Variants in ANKS1B observed in about 807,000 individuals in gnomAD.
ANKS1B encodes ankyrin repeat and sterile alpha motif domain-containing protein 1B.
ANKS1B carries 36 observed loss-of-function variants against 148.3 expected under a neutral mutation model. The ratio of observed to expected loss-of-function variants is 0.24; its 90% CI spans 0.19 to 0.32. The LOEUF is 0.32. Among genes scored for constraint, ANKS1B ranks in the 10% least tolerant of loss-of-function variants. The pLI is 1.00. For missense variants in ANKS1B, 1,157 were observed against 1,542.6 expected (o/e 0.75, Z 4.19); for synonymous variants, 542 against 560.8 (o/e 0.97, Z 0.47).
chr12:98,754,432 T>C (rs528873030), intron 25 of ANKS1B, among the ~76,000 whole-genome samples: 7 of 152,170 alleles, frequency 4.6e-5, no homozygotes, highest in African/African-American at 1.4e-4. Flanking sequence ...CCGACTTCTG[T>C]AGTCTCACAA....
rs12308640 is a variant in ANKS1B at position 99,920,738 on chromosome 12, C to T, written c.134+63366G>A. ...AAGGAGTTCAAAGGCCTAAAGGAGG[C>T]GCTCCATGTCCAAAGGCAGGAGAAG... On this transcript the variant is annotated intron_variant, in intron 1 of 26. Transcript: ENST00000683438. Among the ~76,000 whole-genome samples the T allele has an allele frequency of 3.3e-3, 495 of 152,248 alleles. 5 individuals carry two copies. Among genetic ancestry groups the T allele is most frequent in the African/African-American group, 0.011 (461 of 41,552 alleles).
chr12:99,351,331 T>C (rs1168059161), intron 12 of ANKS1B, among the ~76,000 whole-genome samples: 7 of 152,106 alleles, frequency 4.6e-5, no homozygotes, highest in African/African-American at 1.7e-4. Context: ...TAAAGGAATA[T>C]TTTCTTGTAA....
At chr12:99,124,372 T>C (rs977023962) in intron 15 of ANKS1B, among the ~76,000 whole-genome samples, 2 of 151,430 alleles carry the variant, frequency 1.3e-5, no homozygotes, top group African/African-American at 4.9e-5. Flanking sequence ...ATTTCCGCCC[T>C]GGGGAAGACT....
rs144087131 is a variant in ANKS1B, at chr12:99,921,736, C to T, written c.134+62368G>A. Among the ~76,000 whole-genome samples, 231 of 152,188 alleles carry T rather than the reference C, an allele frequency of 1.5e-3. 1 individual carries two copies. The highest frequency in any genetic ancestry group is 5.1e-3 in the African/African-American group (213 of 41,514). On this transcript the variant is annotated intron_variant, in intron 1 of 26. Transcript: ENST00000683438. ...GAAGATGACATAAACAGTGAAAGAT[C>T]ACAGGATGGCTTTTCATCTTCATAA...
chr12:99,702,155 C>A (rs1291948188), intron 8 of ANKS1B, among the ~76,000 whole-genome samples: 2 of 152,104 alleles, frequency 1.3e-5, no homozygotes, highest in East Asian at 3.9e-4. Context: ...ACATTCCCAC[C>A]AATGGTGTAT....
intron 12 of ANKS1B, among the ~76,000 whole-genome samples, chr12:99,288,417 G>C (rs2079434586): frequency 6.6e-6 from 1 of 152,096 alleles, no homozygotes. Context: ...ATGCTAAGGA[G>C]AGTTCTTCAA....
At chr12:99,895,434 T>C (rs990428115) in intron 1 of ANKS1B, among the ~76,000 whole-genome samples, 4 of 150,766 alleles carry the variant, frequency 2.7e-5, no homozygotes, top group African/African-American at 4.8e-5. Context: ...CCCGTGTGTG[T>C]GTGTGTGTCC....
intron 8 of ANKS1B, among the ~76,000 whole-genome samples, chr12:99,745,869 T>C (rs997679399): frequency 2.6e-5 from 4 of 152,044 alleles, no homozygotes; most frequent in Non-Finnish European, 5.9e-5. Context: ...CTAAAATATA[T>C]ATTTTCTTAT....
chr12:99,264,895 C>T (rs1471265089), intron 12 of ANKS1B, among the ~76,000 whole-genome samples: 1 of 152,066 alleles, frequency 6.6e-6, no homozygotes, highest in Non-Finnish European at 1.5e-5. Flanking sequence ...AAATGTGCCT[C>T]CTGCAATTGT....
At chr12:98,861,639 G>T (rs1281017941) in intron 17 of ANKS1B, among the ~76,000 whole-genome samples, 1 of 152,196 alleles carries the variant, frequency 6.6e-6, no homozygotes, top group Non-Finnish European at 1.5e-5. Context: ...TCTTAGAAAA[G>T]AACTTAATTA....
At chr12:99,982,697 G>A (rs2095720232) in intron 1 of ANKS1B, among the ~76,000 whole-genome samples, 1 of 152,160 alleles carries the variant, frequency 6.6e-6, no homozygotes, top group Non-Finnish European at 1.5e-5. Flanking sequence ...ACCTGTGTTT[G>A]AAAGAGAAGA....
At chr12:99,820,641 T>A (rs1435694169) in intron 2 of ANKS1B, among the ~76,000 whole-genome samples, 1 of 151,984 alleles carries the variant, frequency 6.6e-6, no homozygotes, top group Non-Finnish European at 1.5e-5. Context: ...ATAAAAGAAA[T>A]AACCTTCTTC....
chr12:98,830,435 G>T, intron 18 of ANKS1B, among the ~76,000 whole-genome samples: 1 of 151,962 alleles, frequency 6.6e-6, no homozygotes, highest in East Asian at 1.9e-4. Context: ...TCTCTCTCAG[G>T]AGGCTAAGCT....
rs551625952 is a variant in ANKS1B at position 98,928,627 on chromosome 12, A to G, written c.2779-96491T>C. Among the ~76,000 whole-genome samples the G allele has an allele frequency of 5.9e-5, 9 of 152,186 alleles. No homozygotes were observed. In the South Asian group the frequency reaches 1.9e-3, roughly 31 times the overall value. ...CCTGGGAATGCAAGATGTATTTAAC[A>G]TACAAACATAAATCATAAATCAATG... On this transcript the variant is annotated intron_variant, in intron 17 of 26. Transcript: ENST00000683438.
chr12:98,937,408 C>T (rs556431012), intron 17 of ANKS1B, among the ~76,000 whole-genome samples: 134 of 152,024 alleles, frequency 8.8e-4, no homozygotes, highest in African/African-American at 3.0e-3. Flanking sequence ...TCTGGGGACC[C>T]TCCAGCTTCA....
At chr12:99,427,436 A>T (rs2095279782) in intron 11 of ANKS1B, among the ~76,000 whole-genome samples, 1 of 151,728 alleles carries the variant, frequency 6.6e-6, no homozygotes, top group African/African-American at 2.4e-5. Context: ...TCTTCCTCTG[A>T]CTCTTTTCAT....
At chr12:98,987,098 G>A (rs535637480) in intron 17 of ANKS1B, among the ~76,000 whole-genome samples, 1 of 151,674 alleles carries the variant, frequency 6.6e-6, no homozygotes, top group Non-Finnish European at 1.5e-5. Flanking sequence ...AAGTATAGTA[G>A]AATGCGATTT....
chr12:99,139,440 T>TTCTTTCCTTC lies in ANKS1B; in HGVS notation c.2526+14848_2526+14849insGAAGGAAAGA, dbSNP rs201769650. ...TTTCTTTCTTTCTTTCTTTCTTTCT[T>TTCTTTCCTTC]TTTCTTTCTTTCTTTCTTTCAAGAT... On this transcript the variant is annotated intron_variant, in intron 15 of 26. Coordinates refer to ENST00000683438, the MANE Select transcript of ANKS1B (RefSeq NM_001352186.2). 1.7e-3 allele frequency among the ~76,000 whole-genome samples: 8 copies of TTCTTTCCTTC among 4,730 alleles called. 2 individuals are homozygous for TTCTTTCCTTC. Among genetic ancestry groups the TTCTTTCCTTC allele is most frequent in the South Asian group, 0.019 (1 of 52 alleles). The allele number at this position is 4,730 out of a possible 152,430, so 3.1% of individuals were successfully genotyped here.
intron 17 of ANKS1B, among the ~76,000 whole-genome samples, chr12:98,842,277 A>T (rs188351285): frequency 9.8e-5 from 15 of 152,330 alleles, no homozygotes; most frequent in African/African-American, 3.4e-4. Context: ...AGGCTATAGC[A>T]TCAACAGACC....
Sources: gnomAD v4.1 joint callset for allele counts (sites outside exome capture counted in the v4.1 genomes callset) on GRCh38, gnomAD v4.1.1 for gene constraint, MANE v1.5 for transcripts, NCBI Gene and HGNC (gene_info 2026-07-23, HGNC 2026-07-21) for gene names.